The following MEI4 variants were observed in gnomAD, a reference collection of about 807,000 sequenced individuals.
MEI4 encodes meiotic double-stranded break formation protein 4.
In MEI4, 27 loss-of-function variants were observed where a neutral mutation model predicts 31.4. That is an observed-to-expected ratio of 0.86 (90% confidence interval 0.63 to 1.19). MEI4 has a LOEUF of 1.19. Ranked by LOEUF, MEI4 falls within the 50% of genes most tolerant of loss-of-function variation. The probability of loss-of-function intolerance (pLI) is 0.00; values close to 1 mark genes in which losing one functional copy is unlikely to be tolerated. For missense variants in MEI4, 329 were observed against 398.9 expected (o/e 0.82, Z 1.49); for synonymous variants, 122 against 145.4 (o/e 0.84, Z 1.16).
intron 1 of MEI4, among the ~76,000 whole-genome samples, chr6:77,671,546 A>G (rs1381660584): frequency 1.3e-5 from 2 of 152,224 alleles, no homozygotes; most frequent in Non-Finnish European, 2.9e-5. Context: ...TTATGTCTCA[A>G]GGTCACAGTT....
chr6:77,869,997 G>T (rs1269744949), intron 4 of MEI4, among the ~76,000 whole-genome samples: 1 of 152,002 alleles, frequency 6.6e-6, no homozygotes, highest in Non-Finnish European at 1.5e-5. Flanking sequence ...GCTCTGGCTG[G>T]ACACAGACAT....
chr6:77,729,302 G>A (rs903907900), intron 2 of MEI4, among the ~76,000 whole-genome samples: 1 of 152,160 alleles, frequency 6.6e-6, no homozygotes, highest in African/African-American at 2.4e-5. Flanking sequence ...TACTGCTCAA[G>A]GTCATCACCA....
chr6:77,655,407 C>A (rs1031338215), intron 1 of MEI4, among the ~76,000 whole-genome samples: 3 of 152,098 alleles, frequency 2.0e-5, no homozygotes, highest in Non-Finnish European at 1.5e-5. Flanking sequence ...TAAGCATGAG[C>A]CCTCCAATAA....
In MEI4 at chr6:77,923,162, A is replaced by G; in HGVS notation, c.974A>G (p.Gln325Arg). ...YLFWVLEQLL[Q>R]KETEEGNTSS... Reference sequence around the variant, plus strand: ...TTCTGGGTTCTGGAGCAGCTTCTTCAAAAGGAAACCGAAGAAGGCAACACT... The same window carrying G: ...TTCTGGGTTCTGGAGCAGCTTCTTCGAAAGGAAACCGAAGAAGGCAACACT... Residue 325 changes from glutamine (Q) to arginine (R), a missense_variant, in exon 5 of 5, where the codon CAA (glutamine) becomes CGA (arginine). By Grantham distance (43) the Gln-to-Arg change is conservative. Coordinates refer to ENST00000684080, the MANE Select transcript of MEI4 (RefSeq NM_001322247.2). The G allele has an allele frequency of 1.6e-6, 2 of 1,230,692 alleles. No homozygotes were observed. The highest frequency in any genetic ancestry group is 3.2e-5 in the East Asian group (1 of 31,644). 76.2% of individuals were successfully genotyped at this position (1,230,692 alleles called of 1,614,324 possible). A position where few individuals can be genotyped will look rare whatever the true frequency, so the allele number is the denominator to read the frequency against.
At chr6:77,693,056 G>C (rs1186989103) in intron 2 of MEI4, among the ~76,000 whole-genome samples, 1 of 152,036 alleles carries the variant, frequency 6.6e-6, no homozygotes, top group Non-Finnish European at 1.5e-5. Context: ...GCAGGTGTAA[G>C]GTGCACATAT....
intron 2 of MEI4, among the ~76,000 whole-genome samples, chr6:77,745,196 C>T (rs891513248): frequency 6.6e-6 from 1 of 152,114 alleles, no homozygotes; most frequent in Non-Finnish European, 1.5e-5. Context: ...AGAGTCAAGA[C>T]CCATCAGTGT....
intron 4 of MEI4, among the ~76,000 whole-genome samples, chr6:77,852,586 T>C (rs77512190): frequency 5.4e-4 from 3 of 5,540 alleles, no homozygotes; most frequent in Non-Finnish European, 8.1e-4. Flanking sequence ...TTGTTGTTTG[T>C]TTTTTTTTTT....
At chr6:77,728,758 G>C (rs1766892210) in intron 2 of MEI4, among the ~76,000 whole-genome samples, 1 of 152,196 alleles carries the variant, frequency 6.6e-6, no homozygotes, top group Non-Finnish European at 1.5e-5. Context: ...AGCCAGTGTG[G>C]CTGTGGAGCA....
intron 3 of MEI4, among the ~76,000 whole-genome samples, chr6:77,781,741 A>G (rs980716383): frequency 2.0e-5 from 3 of 152,160 alleles, no homozygotes; most frequent in Non-Finnish European, 2.9e-5. Context: ...CAGATGAGGC[A>G]TAAAGAGGCC....
intron 3 of MEI4, among the ~76,000 whole-genome samples, chr6:77,770,247 A>T (rs987982302): frequency 6.6e-6 from 1 of 152,052 alleles, no homozygotes; most frequent in Non-Finnish European, 1.5e-5. Context: ...TTCCTAACAT[A>T]TACAACCTAC....
At chr6:77,736,716 GT>G (rs1479880046) in intron 2 of MEI4, among the ~76,000 whole-genome samples, 1 of 152,026 alleles carries the variant, frequency 6.6e-6, no homozygotes, top group East Asian at 1.9e-4. Flanking sequence ...GAAAGATAAA[GT>G]TTAAGCCCTG....
At chr6:77,905,091 ACT>A (rs768054333) in intron 4 of MEI4, among the ~76,000 whole-genome samples, 4 of 151,334 alleles carry the variant, frequency 2.6e-5, no homozygotes, top group East Asian at 1.9e-4. Context: ...GGGTTGATAA[ACT>A]CTCTCACTTT....
chr6:77,670,254 T>C (rs1768714134), intron 1 of MEI4, among the ~76,000 whole-genome samples: 1 of 152,058 alleles, frequency 6.6e-6, no homozygotes, highest in African/African-American at 2.4e-5. Flanking sequence ...TGTATTCCTC[T>C]AAGTCTTCTC....
chr6:77,665,474 C>T (rs1768611894), intron 1 of MEI4, among the ~76,000 whole-genome samples: 1 of 151,724 alleles, frequency 6.6e-6, no homozygotes, highest in African/African-American at 2.4e-5. Flanking sequence ...GGGTACTTGC[C>T]CCTGCCCCAG....
chr6:77,684,452 C>CTT (rs138596876), intron 1 of MEI4, among the ~76,000 whole-genome samples: 7 of 149,252 alleles, frequency 4.7e-5, no homozygotes, highest in South Asian at 2.1e-4. Flanking sequence ...ATTCTGTCTA[C>CTT]TTTTTTTTTT....
chr6:77,902,762 C>T (rs1214600310), intron 4 of MEI4, among the ~76,000 whole-genome samples: 1 of 152,018 alleles, frequency 6.6e-6, no homozygotes, highest in Non-Finnish European at 1.5e-5. Flanking sequence ...CTGTTATCTA[C>T]CTATGACATG....
chr6:77,726,181 C>T lies in MEI4; in HGVS notation c.233-34949C>T, dbSNP rs555260458. The stretch of plus-strand genomic sequence containing the variant: ...CTGTTTAACAAAGCACATCCTGCAC[C>T]GCCCTTAATCCATTTAACTCTGAGT... On this transcript the variant is annotated intron_variant, in intron 2 of 4. Transcript: ENST00000684080. Among the ~76,000 whole-genome samples the T allele has an allele frequency of 6.9e-3, 1,005 of 146,058 alleles. 6 individuals carry two copies. The highest frequency in any genetic ancestry group is 0.033 in the South Asian group (144 of 4,344).
At chr6:77,682,738 TTGGGGATAC>T (rs1218996174) in intron 1 of MEI4, among the ~76,000 whole-genome samples, 7 of 152,172 alleles carry the variant, frequency 4.6e-5, no homozygotes, top group African/African-American at 1.7e-4. Flanking sequence ...ATTCATGGCA[TTGGGGATAC>T]AGGGGATAGT....
At chr6:77,802,742 T>G (rs914043399) in intron 3 of MEI4, among the ~76,000 whole-genome samples, 4 of 152,148 alleles carry the variant, frequency 2.6e-5, no homozygotes, top group Non-Finnish European at 4.4e-5. Flanking sequence ...GCTTAGTTTA[T>G]CTGGATATGA....
Sources: gnomAD v4.1 joint callset for allele counts (sites outside exome capture counted in the v4.1 genomes callset) on GRCh38, gnomAD v4.1.1 for gene constraint, MANE v1.5 for transcripts, NCBI Gene and HGNC (gene_info 2026-07-23, HGNC 2026-07-21) for gene names.